Variants in XPO1 observed in about 807,000 individuals in gnomAD.
The protein encoded by XPO1 is exportin-1.
In XPO1, 5 loss-of-function variants were observed where a neutral mutation model predicts 133.3. That is an observed-to-expected ratio of 0.04 (90% CI 0.02 to 0.08). The LOEUF is 0.08. Ranked by LOEUF, XPO1 falls within the 10% of genes least tolerant of loss-of-function variation. The probability of loss-of-function intolerance (pLI) is 1.00; values close to 1 mark genes in which losing one functional copy is unlikely to be tolerated. For synonymous variants in XPO1, 419 were observed against 408.2 expected (o/e 1.03, Z -0.32); for missense variants, 506 against 1,267.5 (o/e 0.40, Z 9.12).
At chr2:61,505,192 A>G (rs1697737372) in intron 4 of XPO1, among the ~76,000 whole-genome samples, 1 of 151,610 alleles carries the variant, frequency 6.6e-6, no homozygotes, top group African/African-American at 2.4e-5. Flanking sequence ...TCCTGGTCTC[A>G]TTGTTGCTGG....
intron 1 of XPO1, among the ~76,000 whole-genome samples, chr2:61,535,654 TATG>T (rs1699327928): frequency 6.6e-6 from 1 of 152,214 alleles, no homozygotes; most frequent in African/African-American, 2.4e-5. Flanking sequence ...CTATGATTGA[TATG>T]ATGTAAAAAT....
intron 1 of XPO1, chr2:61,536,497 A>G (rs1344630914): frequency 6.6e-6 from 1 of 152,320 alleles, no homozygotes; most frequent in African/African-American, 2.4e-5. Context: ...CAATTCCTAA[A>G]CAAAACCCAG....
At chr2:61,491,320 G>C (rs1696971898) in intron 16 of XPO1, among the ~76,000 whole-genome samples, 1 of 151,914 alleles carries the variant, frequency 6.6e-6, no homozygotes, top group South Asian at 2.1e-4. Flanking sequence ...AATTAGCTGG[G>C]CGTGGTGGCA....
intron 23 of XPO1, 45 bp downstream of exon 23, chr2:61,482,333 CTG>C: frequency 6.5e-7 from 1 of 1,527,058 alleles, no homozygotes; most frequent in African/African-American, 1.4e-5. Flanking sequence ...GTGTGAGCCA[CTG>C]TGCCCGACCA....
intron 4 of XPO1, among the ~76,000 whole-genome samples, chr2:61,516,294 A>C (rs1698386368): frequency 6.6e-6 from 1 of 151,744 alleles, no homozygotes; most frequent in South Asian, 2.1e-4. Flanking sequence ...AACAACAGCG[A>C]AACTCCGCCT....
At chr2:61,513,094 G>A (rs369449486) in intron 4 of XPO1, among the ~76,000 whole-genome samples, 14 of 151,768 alleles carry the variant, frequency 9.2e-5, no homozygotes, top group Admixed American at 7.9e-4. Flanking sequence ...GGTCTTTGTC[G>A]CCCAGGCTGG....
rs866785899 is a variant in XPO1, at chr2:61,538,057, G to A, written c.-502C>T. 1.3e-3 allele frequency: 55 copies of A among 42,084 alleles called. 1 individual carries two copies. In the South Asian group the frequency reaches 0.021, roughly 16 times the overall value. The allele number at this position is 42,084 out of a possible 1,614,324, so 2.6% of individuals were successfully genotyped here. Reference sequence around the variant, plus strand: ...CCGGCGCTGGCCCCCCCCCCCCCAAGGCTCGCCTAAACTTTCCCCCCTTCT... The same window carrying A: ...CCGGCGCTGGCCCCCCCCCCCCCAAAGCTCGCCTAAACTTTCCCCCCTTCT... On this transcript the variant is annotated 5_prime_UTR_variant, in exon 1 of 25. Transcript: ENST00000401558.
chr2:61,502,175 G>A (rs2104528955), intron 5 of XPO1, 74 bp downstream of exon 5: 1 of 1,556,688 alleles, frequency 6.4e-7, no homozygotes, highest in Non-Finnish European at 8.8e-7. Context: ...TGTCTTGACA[G>A]AATTAGGTTG....
intron 10 of XPO1, among the ~76,000 whole-genome samples, chr2:61,496,420 G>A (rs933226828): frequency 5.3e-5 from 8 of 152,082 alleles, no homozygotes; most frequent in Admixed American, 1.3e-4. Flanking sequence ...ATGTTGTCCT[G>A]GCTGGTCTCG....
intron 4 of XPO1, among the ~76,000 whole-genome samples, chr2:61,515,254 A>G (rs1316985953): frequency 6.6e-6 from 1 of 152,150 alleles, no homozygotes; most frequent in East Asian, 1.9e-4. Context: ...TACACTTTAA[A>G]CCTAATAAAT....
In XPO1 at chr2:61,514,576, G is replaced by T. The variant is rs1698265079; in HGVS notation, c.301+8035C>A. Among the ~76,000 whole-genome samples, 4 of 143,816 alleles carry T rather than the reference G, an allele frequency of 2.8e-5. No individual in the cohort carries two copies. The South Asian group carries it at 8.7e-4, about 31-fold the overall frequency. The allele number at this position is 143,816 out of a possible 152,430, so 94.3% of individuals were successfully genotyped here. On this transcript the variant is annotated intron_variant, in intron 4 of 24. Transcript: ENST00000401558. ...CCACTGCACTCCAGCCTGGGCGACA[G>T]AGCAAGACTCTGTCTTTAAAAAAAA... is the stretch of plus-strand genomic sequence containing the variant.
chr2:61,480,480 C>T (rs1696292097), intron 24 of XPO1: 1 of 151,740 alleles, frequency 6.6e-6, no homozygotes, highest in Admixed American at 6.6e-5. Flanking sequence ...GGGGTTTCAC[C>T]ATGTTGGCCG....
intron 4 of XPO1, among the ~76,000 whole-genome samples, chr2:61,515,446 G>A (rs1698323455): frequency 6.6e-6 from 1 of 152,186 alleles, no homozygotes; most frequent in South Asian, 2.1e-4. Context: ...AGCTCACTTA[G>A]GAAGGTATTT....
chr2:61,484,793 T>C (rs533909144), intron 20 of XPO1: 1 of 152,384 alleles, frequency 6.6e-6, no homozygotes, highest in Non-Finnish European at 1.5e-5. Flanking sequence ...CACACCCGGA[T>C]AATTTTTTGT....
At position 61,484,031 on chromosome 2, in the gene XPO1, T is replaced by C. The variant is rs376574143; in HGVS notation, c.2583A>G (p.Pro861=). Residue 861 remains proline, a synonymous_variant, in exon 21 of 25, where the codon CCA becomes CCG. Coordinates refer to ENST00000401558, the MANE Select transcript of XPO1 (RefSeq NM_003400.4). ...GTGTAGGTGGAATAGCAAGGAATGC[T>C]GGGAAACAATGAGAATTGACAGCCT... ...LLQAVNSHCF[P]AFLAIPPTQF... is the part of the protein sequence containing the mutation. The C allele has an allele frequency of 1.8e-5, 29 of 1,613,794 alleles. 1 individual carries two copies. The African/African-American group carries it at 2.4e-4, about 13-fold the overall frequency.
At chr2:61,485,241 G>A (rs1221472844) in intron 20 of XPO1, 1 of 152,326 alleles carries the variant, frequency 6.6e-6, no homozygotes, top group Non-Finnish European at 1.5e-5. Flanking sequence ...TTTTATAATT[G>A]AAACATGCAG....
intron 4 of XPO1, among the ~76,000 whole-genome samples, chr2:61,518,113 G>A (rs1335592516): frequency 6.6e-6 from 1 of 151,266 alleles, no homozygotes. Flanking sequence ...CTGGGTGACA[G>A]AGAGGGACTC....
At position 61,525,956 on chromosome 2, in the gene XPO1, A is replaced by T. The variant is rs560330301; in HGVS notation, c.228+464T>A. On this transcript the variant is annotated intron_variant, in intron 3 of 24. Transcript: ENST00000401558. The stretch of plus-strand genomic sequence containing the variant: ...TGTTCAAACTTAAAAAAGGACCAGA[A>T]TTATAACATTTTCCATTGTAAATAA... The T allele has an allele frequency of 1.5e-5, 16 of 1,055,558 alleles. No individual in the cohort carries two copies. The African/African-American group carries it at 2.6e-4, about 17-fold the overall frequency. 65.4% of individuals were successfully genotyped at this position (1,055,558 alleles called of 1,614,324 possible). A position where few individuals can be genotyped will look rare whatever the true frequency, so the allele number is the denominator to read the frequency against.
intron 1 of XPO1, among the ~76,000 whole-genome samples, chr2:61,537,277 G>A (rs986789339): frequency 6.6e-6 from 1 of 150,628 alleles, no homozygotes; most frequent in Admixed American, 6.6e-5. Context: ...GCGGGGCCCC[G>A]CTTCACTATC....
Sources: allele counts gnomAD v4.1 joint callset (sites outside exome capture counted in the v4.1 genomes callset), GRCh38; gene constraint gnomAD v4.1.1; transcripts MANE v1.5; gene names NCBI Gene and HGNC (gene_info 2026-07-23, HGNC 2026-07-21).